The following NDST3 variants were observed in gnomAD, a reference collection of about 807,000 sequenced individuals.
NDST3 encodes bifunctional heparan sulfate N-deacetylase/N-sulfotransferase 3.
In NDST3, 58 loss-of-function variants were observed where a neutral mutation model predicts 96.1. That is an observed-to-expected ratio of 0.60 (90% CI 0.49 to 0.75). NDST3 has a LOEUF of 0.75. Among genes scored for constraint, NDST3 ranks in the 30% least tolerant of loss-of-function variants. NDST3 has a pLI of 0.00. For missense variants in NDST3, 788 were observed against 1,034.2 expected (o/e 0.76, Z 3.27); for synonymous variants, 333 against 359.7 (o/e 0.93, Z 0.84).
chr4:118,194,594 A>G (rs1261572574), intron 6 of NDST3: 5 of 727,064 alleles, frequency 6.9e-6, no homozygotes, highest in African/African-American at 3.5e-5. Flanking sequence ...GTAGTGGACA[A>G]AGATTCAGTC....
intron 6 of NDST3, among the ~76,000 whole-genome samples, chr4:118,153,840 A>C (rs1011154313): frequency 6.6e-6 from 1 of 152,064 alleles, no homozygotes; most frequent in African/African-American, 2.4e-5. Flanking sequence ...TAATAATAAT[A>C]ATAATTTTAA....
At chr4:118,148,469 A>G (rs1199086732) in intron 6 of NDST3, among the ~76,000 whole-genome samples, 2 of 152,098 alleles carry the variant, frequency 1.3e-5, no homozygotes, top group African/African-American at 2.4e-5. Context: ...CTGTTTCTCA[A>G]TTTGATATAG....
intron 8 of NDST3, among the ~76,000 whole-genome samples, chr4:118,230,558 G>C (rs571934759): frequency 3.2e-4 from 49 of 151,248 alleles, no homozygotes; most frequent in Admixed American, 2.2e-3. Context: ...CTGGGCAACA[G>C]AGCGAGACTC....
chr4:118,071,124 T>G lies in NDST3; in HGVS notation c.981+16233T>G, dbSNP rs542652386. Among the ~76,000 whole-genome samples, 3 of 152,102 alleles carry G rather than the reference T, an allele frequency of 2.0e-5. No individual in the cohort carries two copies. In the East Asian group the frequency reaches 5.8e-4, roughly 29 times the overall value. On this transcript the variant is annotated intron_variant, in intron 2 of 13. Transcript: ENST00000296499. ...CACATTTTCTTAATCCAGTCTATCATTGATGGACATTTGGGTTGGTTCCAA... is the reference window on the plus strand; with the variant it reads ...CACATTTTCTTAATCCAGTCTATCAGTGATGGACATTTGGGTTGGTTCCAA...
At chr4:118,225,994 GTTT>G (rs35573813) in intron 7 of NDST3, among the ~76,000 whole-genome samples, 3 of 142,972 alleles carry the variant, frequency 2.1e-5, no homozygotes, top group Non-Finnish European at 3.1e-5. Flanking sequence ...CTGTTTTTTT[GTTT>G]TTTTTTTCAG....
chr4:118,252,875 G>A (rs963162524), intron 12 of NDST3, among the ~76,000 whole-genome samples: 1 of 152,020 alleles, frequency 6.6e-6, no homozygotes, highest in East Asian at 1.9e-4. Flanking sequence ...TGGGCAACAA[G>A]ACCAAGACTC....
chr4:118,094,893 G>C (rs1192149115), intron 2 of NDST3, among the ~76,000 whole-genome samples: 8 of 151,852 alleles, frequency 5.3e-5, no homozygotes, highest in Admixed American at 3.9e-4. Flanking sequence ...TCCAGGTATA[G>C]CGTGATAGGC....
At chr4:118,158,566 T>C (rs567462154) in intron 6 of NDST3, among the ~76,000 whole-genome samples, 7 of 152,236 alleles carry the variant, frequency 4.6e-5, no homozygotes, top group African/African-American at 7.2e-5. Context: ...ATGAAAACAA[T>C]TGATTGAAAA....
chr4:118,075,527 GTTC>G (rs369255180), intron 2 of NDST3, among the ~76,000 whole-genome samples: 8,239 of 152,236 alleles, frequency 0.054, 303 homozygotes, highest in Non-Finnish European at 0.082. Flanking sequence ...GTGTAAAAGT[GTTC>G]TTATTTCTCC....
chr4:118,121,056 A>G (rs1214038468), intron 4 of NDST3, among the ~76,000 whole-genome samples: 1 of 152,036 alleles, frequency 6.6e-6, no homozygotes, highest in African/African-American at 2.4e-5. Context: ...TGGAATTACA[A>G]TTGTCCCTTT....
At chr4:118,218,804 G>C (rs1014695877) in intron 6 of NDST3, among the ~76,000 whole-genome samples, 1 of 152,030 alleles carries the variant, frequency 6.6e-6, no homozygotes, top group Admixed American at 6.6e-5. Flanking sequence ...CATCGTCTCA[G>C]CTCCAAACTC....
At chr4:118,078,227 T>C (rs1337515431) in intron 2 of NDST3, among the ~76,000 whole-genome samples, 1 of 152,116 alleles carries the variant, frequency 6.6e-6, no homozygotes, top group Non-Finnish European at 1.5e-5. Flanking sequence ...CCTGCTGCCT[T>C]GATGGATCCC....
intron 12 of NDST3, among the ~76,000 whole-genome samples, chr4:118,245,585 A>G (rs948603963): frequency 3.3e-5 from 5 of 152,212 alleles, no homozygotes; most frequent in African/African-American, 4.8e-5. Context: ...ATTTTAGTAC[A>G]AATGTACTAC....
At chr4:118,107,905 TA>T (rs1393593409) in intron 3 of NDST3, among the ~76,000 whole-genome samples, 2 of 152,210 alleles carry the variant, frequency 1.3e-5, no homozygotes, top group Non-Finnish European at 2.9e-5. Flanking sequence ...TTCATGCTGC[TA>T]ATAAACATAT....
chr4:118,146,409 C>G (rs953242780), intron 6 of NDST3, among the ~76,000 whole-genome samples: 1 of 152,096 alleles, frequency 6.6e-6, no homozygotes, highest in African/African-American at 2.4e-5. Context: ...AAAATATAAA[C>G]AGGACTTTAA....
intron 3 of NDST3, 135 bp downstream of exon 3, chr4:118,105,240 C>A: frequency 1.7e-6 from 1 of 578,480 alleles, no homozygotes; most frequent in Non-Finnish European, 3.0e-6. Flanking sequence ...TTCTATTTAA[C>A]ATGCTATTTT....
At position 118,138,210 on chromosome 4, in the gene NDST3, C is replaced by A. The variant is rs149894200; in HGVS notation, c.1381C>A (p.Arg461=). 1 of 1,613,710 alleles carries A rather than the reference C, an allele frequency of 6.2e-7. No individual in the cohort carries two copies. Among genetic ancestry groups the A allele is most frequent in the South Asian group, 1.1e-5 (1 of 91,028 alleles). The part of the protein sequence containing the change: ...EYPHLKPARY[R]RGFIHKNIMV... ...TCCACATCTGAAGCCAGCTAGATACCGGAGGGGTTTTATCCACAAAAACAT... is the reference window on the plus strand; with the variant it reads ...TCCACATCTGAAGCCAGCTAGATACAGGAGGGGTTTTATCCACAAAAACAT... The change falls in exon 5 of 14, where the codon CGG becomes AGG. Residue 461 remains arginine, a synonymous_variant. Transcript: ENST00000296499.
In NDST3 at chr4:118,257,761, A is replaced by T. The variant is rs1742203119; in HGVS notation, c.*2049A>T. 1 of 152,198 alleles carries T rather than the reference A, an allele frequency of 6.6e-6. No individual in the cohort carries two copies. Among genetic ancestry groups the T allele is most frequent in the Admixed American group, 6.5e-5 (1 of 15,284 alleles). The allele number at this position is 152,198 out of a possible 1,614,324, so 9.4% of individuals were successfully genotyped here. A position where few individuals can be genotyped will look rare whatever the true frequency, so the allele number is the denominator to read the frequency against. ...AAAATTGGAAAAATCACCAATTTTTAAGACTCTTGACTCTAAAAGCAAAAT... is the reference window on the plus strand; with the variant it reads ...AAAATTGGAAAAATCACCAATTTTTTAGACTCTTGACTCTAAAAGCAAAAT... On this transcript the variant is annotated 3_prime_UTR_variant, in exon 14 of 14. Transcript: ENST00000296499.
At chr4:118,118,591 GT>G (rs749590772) in intron 4 of NDST3, among the ~76,000 whole-genome samples, 5 of 152,166 alleles carry the variant, frequency 3.3e-5, no homozygotes, top group Non-Finnish European at 7.4e-5. Flanking sequence ...AGCTCTAACA[GT>G]TTATTATGAA....
Sources: gnomAD v4.1 joint callset for allele counts (sites outside exome capture counted in the v4.1 genomes callset) on GRCh38, gnomAD v4.1.1 for gene constraint, MANE v1.5 for transcripts, NCBI Gene and HGNC (gene_info 2026-07-23, HGNC 2026-07-21) for gene names.